The following PTPRG variants were observed in gnomAD, a reference collection of about 807,000 sequenced individuals.
PTPRG encodes receptor-type tyrosine-protein phosphatase gamma.
Under a neutral mutation model 165.3 loss-of-function variants are expected in PTPRG, and 102 were observed. That is an observed-to-expected ratio of 0.62 (90% CI 0.53 to 0.73). The LOEUF (loss-of-function observed/expected upper bound fraction) is 0.73. PTPRG is among the 30% of genes least tolerant of loss of function. The pLI is 0.00. For missense variants in PTPRG, 1,866 were observed against 1,861.4 expected (o/e 1.00, Z -0.05); for synonymous variants, 675 against 669.5 (o/e 1.01, Z -0.13).
At position 61,978,680 on chromosome 3, in the gene PTPRG, G is replaced by A. The variant is rs115302152; in HGVS notation, c.191-10945G>A. On this transcript the variant is annotated intron_variant, in intron 2 of 29. Transcript: ENST00000474889. ...TTCTGCCAGGGAAGCAATATTTTGT[G>A]ATTTAGAGCCAAGGTCAACAAACAG... Among the ~76,000 whole-genome samples, 1,209 of 152,262 alleles carry A rather than the reference G, an allele frequency of 7.9e-3. 17 individuals carry two copies. The highest frequency in any genetic ancestry group is 0.027 in the African/African-American group (1,127 of 41,538).
intron 10 of PTPRG, among the ~76,000 whole-genome samples, chr3:62,198,193 G>A (rs1458103417): frequency 6.6e-6 from 1 of 152,170 alleles, no homozygotes; most frequent in Admixed American, 6.5e-5. Context: ...AGCAATATTT[G>A]TAGAATGGCT....
At chr3:61,747,688 C>T (rs1241562434) in intron 1 of PTPRG, among the ~76,000 whole-genome samples, 2 of 151,790 alleles carry the variant, frequency 1.3e-5, no homozygotes, top group African/African-American at 2.4e-5. Flanking sequence ...AATATCTTGG[C>T]GATATTATTC....
intron 2 of PTPRG, among the ~76,000 whole-genome samples, chr3:61,762,389 A>G (rs1313997458): frequency 6.6e-6 from 1 of 152,000 alleles, no homozygotes; most frequent in Non-Finnish European, 1.5e-5. Context: ...AGGCGGGTGG[A>G]TCACCTGAGG....
intron 1 of PTPRG, among the ~76,000 whole-genome samples, chr3:61,643,028 A>G (rs1187886020): frequency 6.6e-6 from 1 of 152,218 alleles, no homozygotes; most frequent in Non-Finnish European, 1.5e-5. Flanking sequence ...TGGTAAAACA[A>G]TGTTGTTAGG....
intron 1 of PTPRG, chr3:61,742,481 T>C (rs1185002066): frequency 1.3e-6 from 2 of 1,587,200 alleles, no homozygotes; most frequent in Non-Finnish European, 1.7e-6. Context: ...GGCTTGCCCA[T>C]GGTGCTCTCG....
At chr3:61,804,605 T>C (rs1392197050) in intron 2 of PTPRG, among the ~76,000 whole-genome samples, 2 of 152,158 alleles carry the variant, frequency 1.3e-5, no homozygotes, top group Non-Finnish European at 2.9e-5. Flanking sequence ...GATTGTTAAC[T>C]TCACTTGGTC....
chr3:61,908,121 T>TA (rs1183592777), intron 2 of PTPRG, among the ~76,000 whole-genome samples: 24,695 of 67,094 alleles, frequency 0.37, 6,614 homozygotes, highest in Non-Finnish European at 0.5. Context: ...CACCTCTCTT[T>TA]AAAAAAAAAA....
At chr3:62,153,053 G>A (rs892324041) in intron 6 of PTPRG, among the ~76,000 whole-genome samples, 1 of 152,190 alleles carries the variant, frequency 6.6e-6, no homozygotes. Flanking sequence ...GTTATTAATA[G>A]CATTTCAAAT....
intron 2 of PTPRG, among the ~76,000 whole-genome samples, chr3:61,771,740 G>A (rs1361977987): frequency 6.6e-6 from 1 of 151,988 alleles, no homozygotes; most frequent in Non-Finnish European, 1.5e-5. Context: ...CTGAACCATA[G>A]TAGGCTTTGG....
intron 4 of PTPRG, among the ~76,000 whole-genome samples, chr3:62,031,170 A>G (rs1273408881): frequency 6.6e-6 from 1 of 152,260 alleles, no homozygotes; most frequent in Non-Finnish European, 1.5e-5. Context: ...CTTATGTGTC[A>G]GGTGAATAAG....
At chr3:62,173,862 C>A (rs775057047) in intron 8 of PTPRG, among the ~76,000 whole-genome samples, 21 of 152,244 alleles carry the variant, frequency 1.4e-4, no homozygotes, top group Non-Finnish European at 2.9e-4. Flanking sequence ...CAGAATCCAG[C>A]CTTTCGGTGC....
At chr3:62,119,768 G>A (rs1327120739) in intron 5 of PTPRG, among the ~76,000 whole-genome samples, 1 of 150,680 alleles carries the variant, frequency 6.6e-6, no homozygotes, top group African/African-American at 2.4e-5. Flanking sequence ...CTACAGGCAT[G>A]GGCCACCACG....
intron 5 of PTPRG, among the ~76,000 whole-genome samples, chr3:62,129,445 C>T (rs766131111): frequency 3.9e-5 from 6 of 151,902 alleles, no homozygotes; most frequent in African/African-American, 1.2e-4. Context: ...ATTTGGTTAA[C>T]GGTTCTGGAG....
At chr3:61,587,976 CT>C (rs973578860) in intron 1 of PTPRG, among the ~76,000 whole-genome samples, 19 of 147,828 alleles carry the variant, frequency 1.3e-4, no homozygotes, top group African/African-American at 4.5e-4. Context: ...TTTTTTTAAA[CT>C]TTTTTTCTGG....
intron 5 of PTPRG, among the ~76,000 whole-genome samples, chr3:62,127,153 A>C (rs1324041460): frequency 6.6e-6 from 1 of 152,230 alleles, no homozygotes; most frequent in East Asian, 1.9e-4. Context: ...TGTTTAACTT[A>C]TTAATAAAGG....
intron 1 of PTPRG, among the ~76,000 whole-genome samples, chr3:61,731,824 A>G (rs1474733232): frequency 6.6e-6 from 1 of 151,234 alleles, no homozygotes; most frequent in Non-Finnish European, 1.5e-5. Flanking sequence ...TTTTTTTTGA[A>G]GCAGTCTGGC....
intron 1 of PTPRG, among the ~76,000 whole-genome samples, chr3:61,694,208 A>C (rs1217060247): frequency 6.6e-6 from 1 of 152,172 alleles, no homozygotes; most frequent in Non-Finnish European, 1.5e-5. Flanking sequence ...TTAATTCTTT[A>C]GGGAATGACT....
At chr3:61,989,955 A>G (rs1177500947) in intron 3 of PTPRG, 151 bp downstream of exon 3, 2 of 779,206 alleles carry the variant, frequency 2.6e-6, no homozygotes, top group Non-Finnish European at 4.0e-6. Context: ...AAGTTATGTA[A>G]CTCAGTAAAT....
chr3:61,640,937 T>C lies in PTPRG; in HGVS notation c.85+78565T>C, dbSNP rs562098539. Reference sequence around the variant, plus strand: ...TCAGAAGAGAAACTGTTGGATTGCATGGTGCCCCTTGCTGTTTGAGGTGCC... The same window carrying C: ...TCAGAAGAGAAACTGTTGGATTGCACGGTGCCCCTTGCTGTTTGAGGTGCC... On this transcript the variant is annotated intron_variant, in intron 1 of 29. Coordinates refer to ENST00000474889, the MANE Select transcript of PTPRG (RefSeq NM_002841.4). Among the ~76,000 whole-genome samples, 8 of 152,290 alleles carry C rather than the reference T, an allele frequency of 5.3e-5. No homozygotes were observed. The South Asian group carries it at 1.7e-3, about 32-fold the overall frequency.
Sources: gnomAD v4.1 joint callset for allele counts (sites outside exome capture counted in the v4.1 genomes callset) on GRCh38, gnomAD v4.1.1 for gene constraint, MANE v1.5 for transcripts, NCBI Gene and HGNC (gene_info 2026-07-23, HGNC 2026-07-21) for gene names.